The following TREM1 variants were observed in gnomAD, a reference collection of about 807,000 sequenced individuals.
TREM1 encodes the protein triggering receptor expressed on monocytes 1.
A neutral mutation model predicts 22.4 loss-of-function variants in TREM1; 16 were observed. The observed-to-expected ratio is 0.71, with a 90% CI of 0.48 to 1.08. The LOEUF is 1.08. Among genes scored for constraint, TREM1 ranks in the 50% least tolerant of loss-of-function variants. The pLI is 0.00. For synonymous variants in TREM1, 110 were observed against 111.6 expected (o/e 0.99, Z 0.09); for missense variants, 283 against 282.9 (o/e 1.00, Z 0.00).
chr6:41,279,819 G>T, intron 3 of TREM1: 1 of 985,366 alleles, frequency 1.0e-6, no homozygotes, highest in Non-Finnish European at 1.2e-6. Context: ...TCTTTTGGAA[G>T]ACCATTGGTA....
chr6:41,284,852 C>T (rs1346150071), intron 1 of TREM1, among the ~76,000 whole-genome samples: 1 of 152,196 alleles, frequency 6.6e-6, no homozygotes, highest in Non-Finnish European at 1.5e-5. Flanking sequence ...GGAGCAGACT[C>T]CAGTTTCTAG....
Position 41,273,721 on chromosome 6 carries a change from C to G in TREM1, c.*2404G>C, listed in dbSNP as rs930783548. The stretch of plus-strand genomic sequence containing the variant: ...TGGTGGGTCATTCCCACTGCTGGGC[C>G]TACAGAGGAGAGGATGGAACAGGTG... On this transcript the variant is annotated 3_prime_UTR_variant, in exon 4 of 4. Coordinates refer to ENST00000244709, the MANE Select transcript of TREM1 (RefSeq NM_018643.5). Among the ~76,000 whole-genome samples the G allele has an allele frequency of 6.6e-6, 1 of 152,240 alleles. No individual in the cohort carries two copies.
chr6:41,280,528 T>G, intron 3 of TREM1: 1 of 1,072,106 alleles, frequency 9.3e-7, no homozygotes, highest in Middle Eastern at 4.4e-4. Context: ...GTTTCTACCA[T>G]GCCTACTGAA....
In TREM1 at chr6:41,273,920, C is replaced by T. The variant is rs1433849937; in HGVS notation, c.*2205G>A. ...CATGCTTCCCATTGGCTCAACCAGC[C>T]AGAAGCTGGCAGCCAGGGAGCCTGC... On this transcript the variant is annotated 3_prime_UTR_variant, in exon 4 of 4. Coordinates refer to ENST00000244709, the MANE Select transcript of TREM1 (RefSeq NM_018643.5). Among the ~76,000 whole-genome samples the T allele has an allele frequency of 1.3e-5, 2 of 152,230 alleles. No homozygotes were observed. Among genetic ancestry groups the T allele is most frequent in the Admixed American group, 1.3e-4 (2 of 15,288 alleles).
downstream of TREM1, among the ~76,000 whole-genome samples, chr6:41,271,560 C>G (rs1360031096): frequency 6.6e-6 from 1 of 152,218 alleles, no homozygotes; most frequent in African/African-American, 2.4e-5. Context: ...GCCTCCTCTG[C>G]ACAGTGAGTG....
intron 1 of TREM1, among the ~76,000 whole-genome samples, chr6:41,282,957 A>AGAGT (rs112236804): frequency 0.72 from 109,387 of 151,402 alleles, 39,979 homozygotes; most frequent in African/African-American, 0.85. Flanking sequence ...TTTTACTATA[A>AGAGT]GAGACTGCAT....
chr6:41,282,009 C>T (rs1430651286), intron 2 of TREM1: 1 of 216,196 alleles, frequency 4.6e-6, no homozygotes, highest in Admixed American at 5.2e-5. Context: ...GAAATAAGAT[C>T]CCCAGGTGGT....
At chr6:41,277,033 C>G (rs1366747518) in intron 3 of TREM1, among the ~76,000 whole-genome samples, 1 of 150,926 alleles carries the variant, frequency 6.6e-6, no homozygotes, top group Admixed American at 6.6e-5. Flanking sequence ...TAGCATGTAG[C>G]AGAATAAATC....
At chr6:41,281,314 C>A in intron 2 of TREM1, 161 bp from the exon 3 acceptor site, 1 of 812,266 alleles carries the variant, frequency 1.2e-6, no homozygotes, top group Non-Finnish European at 1.9e-6. Flanking sequence ...GAGCATGGCC[C>A]AAATGCAAAG....
downstream of TREM1, among the ~76,000 whole-genome samples, chr6:41,273,265 G>A (rs911632164): frequency 2.0e-5 from 3 of 152,148 alleles, no homozygotes; most frequent in Non-Finnish European, 4.4e-5. Flanking sequence ...ATTCTCTCTT[G>A]GCTTCTGCCC....
chr6:41,273,132 G>A (rs1767532127), downstream of TREM1, among the ~76,000 whole-genome samples: 1 of 152,204 alleles, frequency 6.6e-6, no homozygotes, highest in African/African-American at 2.4e-5. Flanking sequence ...GCCAGTTGCA[G>A]ATTACTTACT....
At position 41,286,613 on chromosome 6, in the gene TREM1, C is replaced by T; in HGVS notation, c.43G>A (p.Val15Ile). The T allele has an allele frequency of 6.2e-7, 1 of 1,614,054 alleles. No homozygotes were observed. Among genetic ancestry groups the T allele is most frequent in the Non-Finnish European group, 8.5e-7 (1 of 1,179,982 alleles). ...RLWGLLWMLF[V>I]SELRAATKLT... is the part of the protein sequence containing the mutation. ...GTCCTCTTCCTTGTCTTACCTGAGA[C>T]AAAGAGCATCCACAGCAGCCCCCAG... The change falls in exon 1 of 4, where the codon GTC becomes ATC. Residue 15 changes from valine to isoleucine, a missense_variant. Transcript: ENST00000244709.
Position 41,282,432 on chromosome 6 carries a change from G to T in TREM1, c.369C>A (p.His123Gln), listed in dbSNP as rs1233640173. The T allele has an allele frequency of 6.2e-7, 1 of 1,613,904 alleles. No individual in the cohort carries two copies. The highest frequency in any genetic ancestry group is 8.5e-7 in the Non-Finnish European group (1 of 1,179,914). Residue 123 changes from histidine (H) to glutamine (Q), a missense_variant, in exon 2 of 4, where the codon CAC becomes CAA. Coordinates refer to ENST00000244709, the MANE Select transcript of TREM1 (RefSeq NM_018643.5). ...CCAAGCGGATGCGATCGAACAGCATGTGAGGCTCCTTGGGAGGCTGGTAGA... is the reference window on the plus strand; with the variant it reads ...CCAAGCGGATGCGATCGAACAGCATTTGAGGCTCCTTGGGAGGCTGGTAGA... Reference protein sequence around the residue: ...CVIYQPPKEPHMLFDRIRLVV... With the variant: ...CVIYQPPKEPQMLFDRIRLVV...
chr6:41,270,628 C>T (rs1394542106), downstream of TREM1, among the ~76,000 whole-genome samples: 1 of 152,090 alleles, frequency 6.6e-6, no homozygotes, highest in African/African-American at 2.4e-5. Flanking sequence ...TACAAAAGAA[C>T]TTCACCAGAT....
At chr6:41,267,516 A>G (rs141797946), downstream of TREM1, among the ~76,000 whole-genome samples, 28 of 152,390 alleles carry the variant, frequency 1.8e-4, no homozygotes, top group African/African-American at 6.7e-4. Context: ...CATGGAAAAT[A>G]TGAAATATGA....
At position 41,275,998 on chromosome 6, in the gene TREM1, T is replaced by C. The variant is rs1293865314; in HGVS notation, c.*127A>G. ...GAAGGTGAGACGCTGACTTTAGAAA[T>C]AGCCGGTGATTACAGATTTAATTCA... On this transcript the variant is annotated 3_prime_UTR_variant, in exon 4 of 4. Transcript: ENST00000244709. The C allele has an allele frequency of 1.4e-6, 1 of 698,748 alleles. No homozygotes were observed. The highest frequency in any genetic ancestry group is 2.5e-6 in the Non-Finnish European group (1 of 394,392). 43.3% of individuals were successfully genotyped at this position (698,748 alleles called of 1,614,324 possible). A position where few individuals can be genotyped will look rare whatever the true frequency, so the allele number is the denominator to read the frequency against.
At chr6:41,282,956 A>G (rs1401212042) in intron 1 of TREM1, among the ~76,000 whole-genome samples, 9 of 59,904 alleles carry the variant, frequency 1.5e-4, no homozygotes, top group Non-Finnish European at 2.5e-4. Flanking sequence ...TTTTTACTAT[A>G]AGAGACTGCA....
intron 1 of TREM1, among the ~76,000 whole-genome samples, chr6:41,283,963 G>A (rs1032109816): frequency 2.0e-5 from 3 of 152,180 alleles, no homozygotes. Context: ...AAAGTGAGTG[G>A]GAGGAAGGAA....
chr6:41,274,113 T>A lies in TREM1; in HGVS notation c.*2012A>T, dbSNP rs1415589018. 6.6e-6 allele frequency among the ~76,000 whole-genome samples: 1 copy of A among 152,230 alleles called. No homozygotes were observed. Among genetic ancestry groups the A allele is most frequent in the Non-Finnish European group, 1.5e-5 (1 of 68,036 alleles). ...TGTTGGACTTAAATAACACTTGATC[T>A]ATAATAAGTTAAGCACACAAGCATG... On this transcript the variant is annotated 3_prime_UTR_variant, in exon 4 of 4. Transcript: ENST00000244709.
Sources: allele counts gnomAD v4.1 joint callset (sites outside exome capture counted in the v4.1 genomes callset), GRCh38; gene constraint gnomAD v4.1.1; transcripts MANE v1.5; gene names NCBI Gene and HGNC (gene_info 2026-07-23, HGNC 2026-07-21).